Variants in EFL1 observed in about 807,000 individuals in gnomAD.
The protein encoded by EFL1 is elongation factor-like GTPase 1.
A neutral mutation model predicts 126.7 loss-of-function variants in EFL1; 76 were observed. That is an observed-to-expected ratio of 0.60 (90% CI 0.50 to 0.73). The LOEUF (loss-of-function observed/expected upper bound fraction) is 0.73, where lower values mean the gene tolerates loss of function less well. Ranked by LOEUF, EFL1 falls within the 30% of genes least tolerant of loss-of-function variation. The pLI, the probability that EFL1 is intolerant of heterozygous loss-of-function variation, is 0.00. For missense variants in EFL1, 1,128 were observed against 1,343.2 expected, an observed-to-expected ratio of 0.84 and a Z score of 2.50; for synonymous variants, 410 against 448.4, an observed-to-expected ratio of 0.91 and a Z score of 1.08.
chr15:82,213,769 T>A (rs74030949), intron 15 of EFL1, among the ~76,000 whole-genome samples: 17,289 of 152,210 alleles, frequency 0.11, 1,939 homozygotes, highest in African/African-American at 0.29. Context: ...ATAAGATGTA[T>A]CAATTGTTAA....
intron 11 of EFL1, among the ~76,000 whole-genome samples, chr15:82,226,638 G>C: frequency 6.6e-6 from 1 of 152,210 alleles, no homozygotes; most frequent in Non-Finnish European, 1.5e-5. Flanking sequence ...ACACAGTGTA[G>C]AGGGAGTTCT....
At chr15:82,209,547 G>A (rs950205553) in intron 15 of EFL1, among the ~76,000 whole-genome samples, 2 of 152,160 alleles carry the variant, frequency 1.3e-5, no homozygotes, top group Non-Finnish European at 2.9e-5. Flanking sequence ...ATATGAAAAG[G>A]CTAAAGATTT....
At chr15:82,231,358 A>G (rs1444192653) in intron 7 of EFL1, among the ~76,000 whole-genome samples, 1 of 152,210 alleles carries the variant, frequency 6.6e-6, no homozygotes, top group East Asian at 1.9e-4. Context: ...GTTAAGTGAC[A>G]GCTGCTCACA....
chr15:82,138,801 G>A lies in EFL1; in HGVS notation c.3031C>T (p.Leu1011Phe), dbSNP rs1406620166. 6.2e-7 allele frequency: 1 copy of A among 1,613,820 alleles called. No homozygotes were observed. The highest frequency in any genetic ancestry group is 1.7e-5 in the Admixed American group (1 of 59,990). Residue 1011 changes from leucine (L) to phenylalanine (F), a missense_variant, in exon 19 of 20, where the codon CTT (leucine) becomes TTT (phenylalanine). By Grantham distance (22) the Leu-to-Phe change is conservative (BLOSUM62 0). Transcript: ENST00000268206. ...AVLSKREGRV[L>F]QEEMKEGTDM... ...GTCCCTTCTTTCATTTCTTCTTGAA[G>A]TACCCGACCTTCTCTCTTTGACAAG...
At chr15:82,237,142 C>CA (rs2074881388) in intron 7 of EFL1, among the ~76,000 whole-genome samples, 3 of 151,878 alleles carry the variant, frequency 2.0e-5, no homozygotes, top group Non-Finnish European at 1.5e-5. Flanking sequence ...GACTCTGTCT[C>CA]AAAAAACAAA....
chr15:82,170,183 C>T (rs1051210980), intron 15 of EFL1, among the ~76,000 whole-genome samples: 3 of 135,508 alleles, frequency 2.2e-5, no homozygotes, highest in South Asian at 2.4e-4. Flanking sequence ...GGCGGGATCT[C>T]GGCTCACTGC....
At chr15:82,151,426 T>C in intron 18 of EFL1, 39 bp downstream of exon 18, 2 of 1,539,938 alleles carry the variant, frequency 1.3e-6, no homozygotes, top group Non-Finnish European at 1.8e-6. Flanking sequence ...TCACTGTTAT[T>C]CAGGGCATTT....
intron 19 of EFL1, among the ~76,000 whole-genome samples, chr15:82,136,615 T>C (rs1400738279): frequency 6.6e-6 from 1 of 152,202 alleles, no homozygotes; most frequent in Non-Finnish European, 1.5e-5. Context: ...AGTAATACAT[T>C]TGCACTACAG....
intron 19 of EFL1, among the ~76,000 whole-genome samples, chr15:82,130,916 G>A (rs528604268): frequency 6.6e-6 from 1 of 152,272 alleles, no homozygotes; most frequent in Admixed American, 6.5e-5. Context: ...TAGGGAGGCT[G>A]AGGCAGAAGA....
At chr15:82,216,609 G>C (rs910343646) in intron 14 of EFL1, among the ~76,000 whole-genome samples, 2 of 152,126 alleles carry the variant, frequency 1.3e-5, no homozygotes, top group Non-Finnish European at 2.9e-5. Context: ...AGTGGATAAA[G>C]ATGGACTATT....
chr15:82,207,383 T>G (rs1001987916), intron 15 of EFL1, among the ~76,000 whole-genome samples: 1 of 151,660 alleles, frequency 6.6e-6, no homozygotes, highest in Non-Finnish European at 1.5e-5. Flanking sequence ...ACAAAGATTC[T>G]TATTGCACCA....
intron 4 of EFL1, among the ~76,000 whole-genome samples, chr15:82,248,606 A>G (rs1409738537): frequency 6.6e-6 from 1 of 152,136 alleles, no homozygotes; most frequent in African/African-American, 2.4e-5. Flanking sequence ...TTTGCAGAAG[A>G]CTGCTATATC....
At chr15:82,165,629 A>AC in intron 15 of EFL1, among the ~76,000 whole-genome samples, 1 of 152,354 alleles carries the variant, frequency 6.6e-6, no homozygotes, top group East Asian at 1.9e-4. Context: ...TCTTCCTTGC[A>AC]GTATTCTAAA....
intron 7 of EFL1, 65 bp from the exon 8 acceptor site, chr15:82,231,036 G>C (rs1269233985): frequency 6.5e-7 from 1 of 1,549,216 alleles, no homozygotes; most frequent in Non-Finnish European, 8.7e-7. Context: ...GACAGGTACT[G>C]TTCAAACTTC....
At chr15:82,180,359 C>CAAAAAAAAAAAACAAAAA (rs2074237032) in intron 15 of EFL1, among the ~76,000 whole-genome samples, 1 of 120,610 alleles carries the variant, frequency 8.3e-6, no homozygotes, top group African/African-American at 3.4e-5. Flanking sequence ...ATTAAACTGG[C>CAAAAAAAAAAAACAAAAA]AAAAAAAAAA....
At chr15:82,164,670 G>A (rs553427696) in intron 15 of EFL1, among the ~76,000 whole-genome samples, 15 of 152,234 alleles carry the variant, frequency 9.9e-5, no homozygotes, top group Admixed American at 5.9e-4. Flanking sequence ...GGCCGAGGCC[G>A]GCGGATCACA....
At chr15:82,252,162 C>T (rs2075027967) in intron 4 of EFL1, among the ~76,000 whole-genome samples, 1 of 152,162 alleles carries the variant, frequency 6.6e-6, no homozygotes. Context: ...AACCATTCTC[C>T]TATTGACATT....
intron 19 of EFL1, among the ~76,000 whole-genome samples, chr15:82,131,633 A>G (rs2073646081): frequency 1.3e-5 from 2 of 150,566 alleles, no homozygotes; most frequent in South Asian, 4.2e-4. Flanking sequence ...TCTACTAAAA[A>G]TACAAAAAAT....
chr15:82,130,599 A>G, intron 19 of EFL1, 38 bp from the exon 20 acceptor site: 1 of 1,602,412 alleles, frequency 6.2e-7, no homozygotes, highest in South Asian at 1.1e-5. Context: ...AAGGTTAGGC[A>G]TTTTTAATTT....
Sources: gnomAD v4.1 joint callset for allele counts (sites outside exome capture counted in the v4.1 genomes callset) on GRCh38, gnomAD v4.1.1 for gene constraint, MANE v1.5 for transcripts, NCBI Gene and HGNC (gene_info 2026-07-23, HGNC 2026-07-21) for gene names.